CSMD1: variants seen among roughly 807,000 people sequenced by gnomAD.
The protein encoded by CSMD1 is CUB and sushi domain-containing protein 1.
CSMD1 carries 213 observed loss-of-function variants against 417.5 expected under a neutral mutation model. The ratio of observed to expected loss-of-function variants is 0.51; its 90% CI spans 0.46 to 0.57. The LOEUF (loss-of-function observed/expected upper bound fraction) is 0.57. CSMD1 is among the 20% of genes least tolerant of loss of function. The pLI, the probability that CSMD1 is intolerant of heterozygous loss-of-function variation, is 0.00. For missense variants in CSMD1, 6,923 were observed against 4,529.7 expected, an observed-to-expected ratio of 1.53 and a Z score of -15.17; for synonymous variants, 2,862 against 1,736.8, an observed-to-expected ratio of 1.65 and a Z score of -16.11.
At chr8:4,817,211 T>C (rs1328440058) in intron 1 of CSMD1, among the ~76,000 whole-genome samples, 2 of 152,214 alleles carry the variant, frequency 1.3e-5, no homozygotes, top group Non-Finnish European at 2.9e-5. Context: ...CCTATATGTA[T>C]ATGATTTTAA....
At chr8:3,928,147 G>A (rs1371515411) in intron 5 of CSMD1, among the ~76,000 whole-genome samples, 2 of 151,920 alleles carry the variant, frequency 1.3e-5, no homozygotes, top group Admixed American at 6.6e-5. Context: ...ATTGCCTGTT[G>A]GACATTTACA....
At chr8:3,282,148 G>A (rs974407051) in intron 26 of CSMD1, among the ~76,000 whole-genome samples, 4 of 152,134 alleles carry the variant, frequency 2.6e-5, no homozygotes, top group African/African-American at 9.7e-5. Context: ...GCAATATGAA[G>A]ATGGAATAAT....
chr8:3,971,960 T>G (rs183342503), intron 5 of CSMD1, among the ~76,000 whole-genome samples: 46 of 152,106 alleles, frequency 3.0e-4, no homozygotes, highest in South Asian at 1.7e-3. Flanking sequence ...CAGGCTGGAG[T>G]GCAGTGGGTG....
intron 10 of CSMD1, among the ~76,000 whole-genome samples, chr8:3,510,941 T>C (rs746650662): frequency 6.6e-6 from 1 of 151,844 alleles, no homozygotes; most frequent in African/African-American, 2.4e-5. Flanking sequence ...GTATGTTTAC[T>C]GCAGCACTAT....
At chr8:3,453,501 G>T (rs1306878848) in intron 12 of CSMD1, among the ~76,000 whole-genome samples, 1 of 152,008 alleles carries the variant, frequency 6.6e-6, no homozygotes, top group Non-Finnish European at 1.5e-5. Context: ...CAGAGATTCT[G>T]GTATGTTGTG....
intron 1 of CSMD1, among the ~76,000 whole-genome samples, chr8:4,778,346 T>A (rs188598610): frequency 2.0e-5 from 3 of 152,170 alleles, no homozygotes; most frequent in Admixed American, 2.0e-4. Context: ...GATATCCCCA[T>A]TGTTTTGATG....
intron 3 of CSMD1, among the ~76,000 whole-genome samples, chr8:4,053,080 G>A (rs1391527281): frequency 6.6e-6 from 1 of 152,164 alleles, no homozygotes; most frequent in Non-Finnish European, 1.5e-5. Context: ...CTGAAAGGAT[G>A]ATTGGAATAA....
At chr8:3,179,000 T>C (rs192860721) in intron 37 of CSMD1, among the ~76,000 whole-genome samples, 345 of 149,958 alleles carry the variant, frequency 2.3e-3, no homozygotes, top group East Asian at 9.3e-3. Flanking sequence ...CAGGCTGGAG[T>C]GCAGTGGCGC....
chr8:3,343,388 C>G lies in CSMD1; in HGVS notation c.3537G>C (p.Leu1179=). 13 of 1,613,808 alleles carry G rather than the reference C, an allele frequency of 8.1e-6. No homozygotes were observed. The highest frequency in any genetic ancestry group is 2.2e-5 in the East Asian group (1 of 44,874). ...PLGTFTKNEL[L]GLILNSTSNH... is the part of the protein sequence containing the mutation. ...TGGATGTGCTGTTTAGGATCAGCCCCAGAAGTTCATTTTTAGTGAACGTGC... is the reference window on the plus strand; with the variant it reads ...TGGATGTGCTGTTTAGGATCAGCCCGAGAAGTTCATTTTTAGTGAACGTGC... Residue 1179 remains leucine, a synonymous_variant, in exon 23 of 70, where the codon CTG becomes CTC. Coordinates refer to ENST00000635120, the MANE Select transcript of CSMD1 (RefSeq NM_033225.6).
intron 2 of CSMD1, among the ~76,000 whole-genome samples, chr8:4,430,755 A>G (rs1169986357): frequency 6.6e-6 from 1 of 152,140 alleles, no homozygotes; most frequent in Non-Finnish European, 1.5e-5. Flanking sequence ...CACATAATGT[A>G]TGTTTATGAC....
intron 41 of CSMD1, among the ~76,000 whole-genome samples, chr8:3,119,366 GTTT>G (rs1296574062): frequency 1.4e-5 from 1 of 73,458 alleles, no homozygotes; most frequent in Non-Finnish European, 3.0e-5. Flanking sequence ...ATCCATTGCA[GTTT>G]TTTTAGTCTT....
chr8:4,562,029 A>G (rs1048698348), intron 2 of CSMD1, among the ~76,000 whole-genome samples: 1 of 152,218 alleles, frequency 6.6e-6, no homozygotes, highest in Admixed American at 6.5e-5. Context: ...TAGAAAAGGA[A>G]GGCCGTACAT....
chr8:3,040,746 C>G (rs757470140), intron 50 of CSMD1, among the ~76,000 whole-genome samples: 5 of 151,988 alleles, frequency 3.3e-5, no homozygotes, highest in Non-Finnish European at 7.4e-5. Flanking sequence ...GAGGTTAGAG[C>G]GAGTTGAGAT....
intron 1 of CSMD1, among the ~76,000 whole-genome samples, chr8:4,900,195 T>C (rs1585290457): frequency 6.6e-6 from 1 of 152,202 alleles, no homozygotes; most frequent in Admixed American, 6.5e-5. Context: ...GTGACAGGGG[T>C]ATGAAGACAC....
In CSMD1 at chr8:3,635,473, G is replaced by C. The variant is rs142383355; in HGVS notation, c.1010-18676C>G. On this transcript the variant is annotated intron_variant, in intron 7 of 69. Transcript: ENST00000635120. The stretch of plus-strand genomic sequence containing the variant: ...CACTCCAGCCTGGGCAATGGAGCAA[G>C]ACTCCATCTCTTTTTTTTTTTTTTT... Among the ~76,000 whole-genome samples the C allele has an allele frequency of 8.4e-3, 1,235 of 147,268 alleles. 7 individuals are homozygous for C. Among genetic ancestry groups the C allele is most frequent in the Non-Finnish European group, 0.014 (949 of 67,010 alleles).
At chr8:3,043,641 T>C (rs937562374) in intron 50 of CSMD1, 2 of 152,176 alleles carry the variant, frequency 1.3e-5, no homozygotes. Context: ...TACCCACATA[T>C]TGTGATTAGA....
intron 3 of CSMD1, among the ~76,000 whole-genome samples, chr8:4,291,672 A>G (rs923798530): frequency 2.0e-5 from 3 of 152,176 alleles, no homozygotes; most frequent in African/African-American, 7.2e-5. Flanking sequence ...TACCAGAAAG[A>G]TACAAAATTC....
chr8:3,938,963 T>C (rs942779820), intron 5 of CSMD1, among the ~76,000 whole-genome samples: 1 of 152,172 alleles, frequency 6.6e-6, no homozygotes, highest in Non-Finnish European at 1.5e-5. Flanking sequence ...ATAATATTCA[T>C]AGGCAGGGAG....
At chr8:4,626,229 A>G (rs780966301) in intron 2 of CSMD1, among the ~76,000 whole-genome samples, 19 of 152,118 alleles carry the variant, frequency 1.2e-4, no homozygotes, top group Non-Finnish European at 2.2e-4. Flanking sequence ...CACAGCCTGC[A>G]TGAAGCAATC....
Sources: allele counts gnomAD v4.1 joint callset (sites outside exome capture counted in the v4.1 genomes callset), GRCh38; gene constraint gnomAD v4.1.1; transcripts MANE v1.5; gene names NCBI Gene and HGNC (gene_info 2026-07-23, HGNC 2026-07-21).